PPP4R1: variants seen among roughly 807,000 people sequenced by gnomAD.
PPP4R1 encodes the protein protein phosphatase 4 regulatory subunit 1.
A neutral mutation model predicts 111.2 loss-of-function variants in PPP4R1; 42 were observed. The ratio of observed to expected loss-of-function variants is 0.38; its 90% CI spans 0.29 to 0.49. The LOEUF is 0.49. Ranked by LOEUF, PPP4R1 falls within the 20% of genes least tolerant of loss-of-function variation. The probability of loss-of-function intolerance (pLI) is 0.97; values close to 1 mark genes in which losing one functional copy is unlikely to be tolerated. For missense variants in PPP4R1, 1,012 were observed against 1,161.6 expected (o/e 0.87, Z 1.87); for synonymous variants, 409 against 405.5 (o/e 1.01, Z -0.10).
At chr18:9,580,342 G>A (rs929205387) in intron 9 of PPP4R1, among the ~76,000 whole-genome samples, 1 of 130,260 alleles carries the variant, frequency 7.7e-6, no homozygotes, top group Non-Finnish European at 1.6e-5. Flanking sequence ...TAAAAAAGCT[G>A]AGAGTCTAAT....
At chr18:9,595,336 TGTTCTACTTGGCTCTATAAGCACAAA>T (rs1264494642) in intron 2 of PPP4R1, among the ~76,000 whole-genome samples, 183 bp from the exon 3 acceptor site, 1 of 152,124 alleles carries the variant, frequency 6.6e-6, no homozygotes, top group African/African-American at 2.4e-5. Context: ...CCTACAGATA[TGTTCTACTTGGCTCTATAAGCACAAA>T]GTTCTACTTG....
intron 14 of PPP4R1, among the ~76,000 whole-genome samples, chr18:9,558,704 T>G (rs1459807441): frequency 6.6e-6 from 1 of 152,032 alleles, no homozygotes; most frequent in Non-Finnish European, 1.5e-5. Flanking sequence ...AGACTGTTTT[T>G]TTTTTTTTTT....
At chr18:9,576,049 G>C (rs191437593) in intron 10 of PPP4R1, among the ~76,000 whole-genome samples, 1 of 152,282 alleles carries the variant, frequency 6.6e-6, no homozygotes, top group Admixed American at 6.5e-5. Flanking sequence ...AGACAGGTTT[G>C]AGTGATTTTC....
Position 9,614,465 on chromosome 18 carries a change from G to T in PPP4R1, c.7+13C>A. ...AGGAGCCGCCGCCGCCCGGAGAACA[G>T]GGGGCCACGTACCCGCCATCTTGTG... is the stretch of plus-strand genomic sequence containing the variant. On this transcript the variant is annotated intron_variant, in intron 1 of 19. Transcript: ENST00000400556. This position sits in a 1 kb window ranked among gnomAD's most constrained non-coding sequence, Gnocchi z 4.1. 1 of 1,032,102 alleles carries T rather than the reference G, an allele frequency of 9.7e-7. No individual in the cohort carries two copies. The highest frequency in any genetic ancestry group is 4.6e-4 in the Middle Eastern group (1 of 2,154). The allele number at this position is 1,032,102 out of a possible 1,614,324, so 63.9% of individuals were successfully genotyped here.
chr18:9,558,076 G>A (rs1184670373), intron 14 of PPP4R1, among the ~76,000 whole-genome samples: 1 of 152,156 alleles, frequency 6.6e-6, no homozygotes, highest in Non-Finnish European at 1.5e-5. Context: ...ATAATTTTAA[G>A]TTAAAAACAT....
chr18:9,556,896 G>A (rs571136654), intron 15 of PPP4R1: 1 of 183,928 alleles, frequency 5.4e-6, no homozygotes, highest in South Asian at 1.2e-4. Flanking sequence ...ATGGATTTGG[G>A]TGTGCATGGG....
At chr18:9,593,251 A>G (rs183085998) in intron 4 of PPP4R1, among the ~76,000 whole-genome samples, 1 of 152,296 alleles carries the variant, frequency 6.6e-6, no homozygotes, top group Non-Finnish European at 1.5e-5. Flanking sequence ...AACAAAAGAT[A>G]TATTTATAAA....
At chr18:9,564,102 T>C (rs1458650244) in intron 11 of PPP4R1, among the ~76,000 whole-genome samples, 14 of 152,212 alleles carry the variant, frequency 9.2e-5, no homozygotes, top group Admixed American at 9.2e-4. Context: ...ATGAGCACTG[T>C]CTTGCTTGCA....
At chr18:9,589,762 G>C (rs1025619853) in intron 4 of PPP4R1, 3 of 152,296 alleles carry the variant, frequency 2.0e-5, no homozygotes, top group Non-Finnish European at 4.4e-5. Flanking sequence ...GCCAGGTGTG[G>C]TGGTGCATGC....
At position 9,548,779 on chromosome 18, in the gene PPP4R1, G is replaced by A. The variant is rs568293267; in HGVS notation, c.2689+418C>T. On this transcript the variant is annotated intron_variant, in intron 19 of 19. Coordinates refer to ENST00000400556, the MANE Select transcript of PPP4R1 (RefSeq NM_001042388.3). ...TAAAAATACAAAAAATTAGCTGGGC[G>A]TGGTGGCGGGCACCTGTAATCCCAG... Among the ~76,000 whole-genome samples the A allele has an allele frequency of 5.3e-5, 8 of 152,258 alleles. No homozygotes were observed. In the East Asian group the frequency reaches 1.2e-3, roughly 22 times the overall value.
chr18:9,605,784 A>G (rs955029371), intron 2 of PPP4R1, among the ~76,000 whole-genome samples: 13 of 152,252 alleles, frequency 8.5e-5, no homozygotes, highest in African/African-American at 3.1e-4. Context: ...TGTACTACAT[A>G]CTATATAACA....
chr18:9,614,213 C>T lies in PPP4R1; in HGVS notation c.52+13G>A. 1 of 1,362,056 alleles carries T rather than the reference C, an allele frequency of 7.3e-7. No individual in the cohort carries two copies. Among genetic ancestry groups the T allele is most frequent in the South Asian group, 1.6e-5 (1 of 60,668 alleles). 84.4% of individuals were successfully genotyped at this position (1,362,056 alleles called of 1,614,324 possible). ...CGCGGACTGCCAGGCCACCGCGAGGCCGGGCCACTCACATCCGTCTGCGTC... is the reference window on the plus strand; with the variant it reads ...CGCGGACTGCCAGGCCACCGCGAGGTCGGGCCACTCACATCCGTCTGCGTC... On this transcript the variant is annotated intron_variant, in intron 2 of 19. Transcript: ENST00000400556. This position sits in a 1 kb window ranked among gnomAD's most constrained non-coding sequence, Gnocchi z 4.1.
Position 9,595,167 on chromosome 18 carries a change from C to A in PPP4R1, c.53-14G>T, listed in dbSNP as rs748016379. 2.5e-6 allele frequency: 4 copies of A among 1,612,532 alleles called. No homozygotes were observed. The Admixed American group carries it at 6.7e-5, about 27-fold the overall frequency. On this transcript the variant is annotated splice_polypyrimidine_tract_variant and intron_variant, in intron 2 of 19. Transcript: ENST00000400556. ...CATCCACACCAACTATCAGAGACAT[C>A]AGAAATACTCCTTATAACACTTTGA...
chr18:9,611,935 C>T (rs1364030159), intron 2 of PPP4R1, among the ~76,000 whole-genome samples: 2 of 151,644 alleles, frequency 1.3e-5, no homozygotes, highest in African/African-American at 4.9e-5. Context: ...CACTTGAACC[C>T]GGGAGGCAGA....
At position 9,550,372 on chromosome 18, in the gene PPP4R1, T is replaced by C; in HGVS notation, c.2318A>G (p.Tyr773Cys). Residue 773 changes from tyrosine to cysteine, a missense_variant, in exon 17 of 20, where the codon TAT (tyrosine) becomes TGT (cysteine). Tyr to Cys is a radical substitution (Grantham distance 194). Transcript: ENST00000400556. Reference protein sequence around the residue: ...AEQLILLLELYSPRDVYDYLR... With the variant: ...AEQLILLLELCSPRDVYDYLR... ...ATAGTCATAAACATCTCTGGGACTA[T>C]ATAACTCTAGAAGTAAAATCAGCTG... 1 of 1,603,520 alleles carries C rather than the reference T, an allele frequency of 6.2e-7. No individual in the cohort carries two copies.
At chr18:9,607,222 G>A (rs746226137) in intron 2 of PPP4R1, among the ~76,000 whole-genome samples, 4 of 151,958 alleles carry the variant, frequency 2.6e-5, no homozygotes, top group East Asian at 1.9e-4. Flanking sequence ...TTAGCCAGGC[G>A]TGGTGGTGCA....
rs563914584 is a variant in PPP4R1 at position 9,601,245 on chromosome 18, G to A, written c.53-6092C>T. Among the ~76,000 whole-genome samples the A allele has an allele frequency of 4.1e-4, 62 of 150,960 alleles. 1 individual carries two copies. Among genetic ancestry groups the A allele is most frequent in the Admixed American group, 7.9e-4 (12 of 15,186 alleles). On this transcript the variant is annotated intron_variant, in intron 2 of 19. Coordinates refer to ENST00000400556, the MANE Select transcript of PPP4R1 (RefSeq NM_001042388.3). Reference sequence around the variant, plus strand: ...AAAAAAAAAAAAGCATATACTGGCCGGGAACGGTGGCTCATGCCTGTAATC... The same window carrying A: ...AAAAAAAAAAAAGCATATACTGGCCAGGAACGGTGGCTCATGCCTGTAATC...
At chr18:9,587,164 T>C (rs1338170670) in intron 6 of PPP4R1, among the ~76,000 whole-genome samples, 1 of 152,216 alleles carries the variant, frequency 6.6e-6, no homozygotes, top group East Asian at 1.9e-4. Flanking sequence ...GTTCAAGTGT[T>C]TCTTCGTTCA....
chr18:9,568,552 G>A (rs1159940526), intron 11 of PPP4R1, among the ~76,000 whole-genome samples: 1 of 152,132 alleles, frequency 6.6e-6, no homozygotes, highest in Non-Finnish European at 1.5e-5. Flanking sequence ...TTTTTAGAAA[G>A]CAATCTATGC....
Sources: allele counts gnomAD v4.1 joint callset (sites outside exome capture counted in the v4.1 genomes callset), GRCh38; gene constraint gnomAD v4.1.1; non-coding constraint Gnocchi (gnomAD v3.1); transcripts MANE v1.5; gene names NCBI Gene and HGNC (gene_info 2026-07-23, HGNC 2026-07-21).